The following GLIS3 variants were observed in gnomAD, a reference collection of about 807,000 sequenced individuals.
GLIS3 encodes the protein zinc finger protein GLIS3.
A neutral mutation model predicts 78.6 loss-of-function variants in GLIS3; 53 were observed. That is an observed-to-expected ratio of 0.67 (90% CI 0.54 to 0.85). GLIS3 has a LOEUF of 0.85. GLIS3 is among the 40% of genes least tolerant of loss of function. The pLI, the probability that GLIS3 is intolerant of heterozygous loss-of-function variation, is 0.00. For synonymous variants in GLIS3, 684 were observed against 509.9 expected (o/e 1.34, Z -4.60); for missense variants, 1,703 against 1,231.1 (o/e 1.38, Z -5.74).
At chr9:4,379,186 C>CCTAT in the GLIS3 span, among the ~76,000 whole-genome samples, 8 of 152,084 alleles carry the variant, frequency 5.3e-5, 1 homozygote, top group Admixed American at 4.6e-4. Flanking sequence ...AGGCAGTTCT[C>CCTAT]CTATCCAGCC....
At chr9:4,228,643 T>C (rs924119733) in intron 2 of GLIS3, among the ~76,000 whole-genome samples, 10 of 152,216 alleles carry the variant, frequency 6.6e-5, no homozygotes, top group Non-Finnish European at 1.5e-5. Flanking sequence ...ATCCCCTATG[T>C]ATGCATGTAT....
At chr9:4,024,087 T>G (rs976962934) in intron 4 of GLIS3, among the ~76,000 whole-genome samples, 2 of 151,758 alleles carry the variant, frequency 1.3e-5, no homozygotes, top group Non-Finnish European at 2.9e-5. Flanking sequence ...GAGGCAGAGT[T>G]GTATAGTGCT....
intron 4 of GLIS3, among the ~76,000 whole-genome samples, chr9:4,024,553 T>G (rs1823156112): frequency 1.3e-5 from 2 of 152,110 alleles, no homozygotes; most frequent in African/African-American, 4.8e-5. Flanking sequence ...TCTTCATTTC[T>G]CCTGTTTTTC....
intron 4 of GLIS3, among the ~76,000 whole-genome samples, chr9:3,991,710 A>G: frequency 2.0e-5 from 1 of 48,898 alleles, no homozygotes; most frequent in African/African-American, 1.2e-4. Context: ...TTTTTTTTTG[A>G]GACGGAGTCT....
chr9:3,875,730 C>G (rs962917643), intron 8 of GLIS3: 1 of 152,156 alleles, frequency 6.6e-6, no homozygotes, highest in African/African-American at 2.4e-5. Flanking sequence ...GAAGAGAGAA[C>G]CTGCCATACT....
intron 2 of GLIS3, among the ~76,000 whole-genome samples, chr9:4,176,567 TA>T (rs60614696): frequency 1.1e-4 from 16 of 151,404 alleles, no homozygotes; most frequent in African/African-American, 3.2e-4. Flanking sequence ...TTTTCACTAT[TA>T]AAAAAAAACA....
At chr9:4,192,325 A>T (rs977492627) in intron 2 of GLIS3, among the ~76,000 whole-genome samples, 2 of 152,244 alleles carry the variant, frequency 1.3e-5, no homozygotes, top group Admixed American at 1.3e-4. Context: ...TGAAAAGGTG[A>T]CACCTCAGTT....
At chr9:3,874,366 TTCTGTG>T (rs1041735927) in intron 8 of GLIS3, among the ~76,000 whole-genome samples, 10 of 152,086 alleles carry the variant, frequency 6.6e-5, no homozygotes, top group African/African-American at 2.4e-4. Flanking sequence ...GGCATGGAGG[TTCTGTG>T]TCCCTTCCCG....
At chr9:4,102,189 A>G (rs1251050935) in intron 4 of GLIS3, among the ~76,000 whole-genome samples, 1 of 152,196 alleles carries the variant, frequency 6.6e-6, no homozygotes, top group East Asian at 1.9e-4. Flanking sequence ...AGAAAACCCC[A>G]GGGTCAACTA....
At chr9:4,309,073 T>C (rs1817298020) in intron 3 of GLIS3, 1 of 152,230 alleles carries the variant, frequency 6.6e-6, no homozygotes, top group Non-Finnish European at 1.5e-5. Context: ...CCACACATAA[T>C]GTATGATAAA....
rs756301885 is a variant in GLIS3 at position 4,118,098 on chromosome 9, G to A, written c.1380C>T (p.Pro460=). 2 of 1,560,604 alleles carry A rather than the reference G, an allele frequency of 1.3e-6. No homozygotes were observed. The highest frequency in any genetic ancestry group is 1.4e-5 in the African/African-American group (1 of 73,752). ...GAAGGTGCGCATGGGCATGGTAAGG[G>A]GGTGGGGGGCCTGGGGGCGGCGGCA... ...PPLPPPPGPP[P]PYHAHAHLHH... is the part of the protein sequence containing the mutation. Residue 460 remains proline, a synonymous_variant, in exon 4 of 11, where the codon CCC becomes CCT. Coordinates refer to ENST00000381971, the MANE Select transcript of GLIS3 (RefSeq NM_001042413.2). The surrounding 1 kb of genome is among the most constrained non-coding windows in gnomAD (Gnocchi z 4.7).
intron 4 of GLIS3, among the ~76,000 whole-genome samples, chr9:4,086,084 G>T (rs1373213940): frequency 6.6e-6 from 1 of 152,146 alleles, no homozygotes; most frequent in Non-Finnish European, 1.5e-5. Flanking sequence ...AAACTTCACA[G>T]GATCAGAAAT....
chr9:3,881,843 A>G (rs1004809096), intron 7 of GLIS3, among the ~76,000 whole-genome samples: 2 of 152,244 alleles, frequency 1.3e-5, no homozygotes, highest in Non-Finnish European at 2.9e-5. Flanking sequence ...AAGACCTATT[A>G]GTATAAATCA....
intron 2 of GLIS3, among the ~76,000 whole-genome samples, chr9:4,281,551 T>G (rs1008548898): frequency 6.6e-6 from 1 of 152,238 alleles, no homozygotes; most frequent in Non-Finnish European, 1.5e-5. Flanking sequence ...CTTTTGTGAC[T>G]GGTGCATTTC....
At chr9:4,130,004 T>C (rs1564093471) in intron 2 of GLIS3, among the ~76,000 whole-genome samples, 2 of 152,214 alleles carry the variant, frequency 1.3e-5, no homozygotes, top group Admixed American at 6.5e-5. Flanking sequence ...GTCACTTTTA[T>C]TATCCATTAG....
chr9:4,287,147 C>A (rs1174465426), intron 1 of GLIS3, among the ~76,000 whole-genome samples: 2 of 152,044 alleles, frequency 1.3e-5, no homozygotes, highest in Non-Finnish European at 2.9e-5. Context: ...CCATAATGAT[C>A]CTGAGTTATG....
At chr9:4,044,077 A>C (rs568456527) in intron 4 of GLIS3, among the ~76,000 whole-genome samples, 1 of 152,310 alleles carries the variant, frequency 6.6e-6, no homozygotes, top group Admixed American at 6.5e-5. Context: ...AGAAGAGAAA[A>C]CTGGCAGACA....
At chr9:4,257,478 C>G (rs1825074515) in intron 2 of GLIS3, among the ~76,000 whole-genome samples, 2 of 152,018 alleles carry the variant, frequency 1.3e-5, no homozygotes, top group Admixed American at 1.3e-4. Flanking sequence ...TTTGGGTACT[C>G]TTACCACAAA....
At chr9:3,861,467 A>T (rs1262910532) in intron 8 of GLIS3, among the ~76,000 whole-genome samples, 1 of 152,116 alleles carries the variant, frequency 6.6e-6, no homozygotes, top group Non-Finnish European at 1.5e-5. Context: ...AATATAAATC[A>T]TATAAAGATA....
Sources: allele counts gnomAD v4.1 joint callset (sites outside exome capture counted in the v4.1 genomes callset), GRCh38; gene constraint gnomAD v4.1.1; non-coding constraint Gnocchi (gnomAD v3.1); transcripts MANE v1.5; gene names NCBI Gene and HGNC (gene_info 2026-07-23, HGNC 2026-07-21).